XXYLT1: variants seen among roughly 807,000 people sequenced by gnomAD.
The protein encoded by XXYLT1 is xyloside xylosyltransferase 1.
A neutral mutation model predicts 28.9 loss-of-function variants in XXYLT1; 20 were observed. The ratio of observed to expected loss-of-function variants is 0.69; its 90% confidence interval spans 0.49 to 1.00. The LOEUF is 1.00. Among genes scored for constraint, XXYLT1 ranks in the 50% least tolerant of loss-of-function variants. The pLI is 0.00. For missense variants in XXYLT1, 542 were observed against 560.1 expected, an observed-to-expected ratio of 0.97 and a Z score of 0.33; for synonymous variants, 257 against 253.8, an observed-to-expected ratio of 1.01 and a Z score of -0.12.
At chr3:195,100,519 T>A (rs1015636646) in intron 3 of XXYLT1, among the ~76,000 whole-genome samples, 3 of 152,018 alleles carry the variant, frequency 2.0e-5, no homozygotes, top group Non-Finnish European at 4.4e-5. Flanking sequence ...AACGTCACCT[T>A]AGCCCAACAC....
At chr3:195,127,096 G>A (rs1718675683) in intron 3 of XXYLT1, among the ~76,000 whole-genome samples, 2 of 152,176 alleles carry the variant, frequency 1.3e-5, no homozygotes, top group Admixed American at 1.3e-4. Flanking sequence ...AGAACCTGAG[G>A]GACCTGGGGT....
rs1443606455 is a variant in XXYLT1, at chr3:195,156,445, G to A, written c.785+4C>T. ...GAGGCGGCCCCCCTGCAGTCATGAC[G>A]CACCTGTAAACTGGCTGCATCTCCC... On this transcript the variant is annotated splice_donor_region_variant and intron_variant, in intron 3 of 3. Coordinates refer to ENST00000310380, the MANE Select transcript of XXYLT1 (RefSeq NM_152531.5). 8 of 1,613,450 alleles carry A rather than the reference G, an allele frequency of 5.0e-6. No homozygotes were observed. Among genetic ancestry groups the A allele is most frequent in the South Asian group, 3.3e-5 (3 of 91,048 alleles).
chr3:195,247,124 C>T (rs1164745873), intron 1 of XXYLT1, among the ~76,000 whole-genome samples: 1 of 152,104 alleles, frequency 6.6e-6, no homozygotes, highest in Non-Finnish European at 1.5e-5. Context: ...CAGTAGAAGC[C>T]GTTTTTCTAC....
chr3:195,258,563 C>T (rs139267466), intron 1 of XXYLT1, among the ~76,000 whole-genome samples: 83 of 152,334 alleles, frequency 5.4e-4, no homozygotes, highest in African/African-American at 2.0e-3. Flanking sequence ...CTACACAAGA[C>T]TACAAAGGCT....
At chr3:195,262,767 G>C (rs1402923987) in intron 1 of XXYLT1, among the ~76,000 whole-genome samples, 1 of 152,134 alleles carries the variant, frequency 6.6e-6, no homozygotes, top group African/African-American at 2.4e-5. Context: ...ATTCCCCTTA[G>C]ATCTGTGATC....
At chr3:195,234,177 A>C (rs540951955) in intron 1 of XXYLT1, among the ~76,000 whole-genome samples, 9 of 151,708 alleles carry the variant, frequency 5.9e-5, no homozygotes, top group East Asian at 1.9e-4. Flanking sequence ...TCGGCCTCCC[A>C]AAGTGCTGGG....
At chr3:195,157,677 C>T (rs986897718) in intron 2 of XXYLT1, among the ~76,000 whole-genome samples, 10 of 152,020 alleles carry the variant, frequency 6.6e-5, no homozygotes, top group African/African-American at 1.4e-4. Flanking sequence ...GAGAGACATG[C>T]GGGTGGCAAA....
intron 3 of XXYLT1, among the ~76,000 whole-genome samples, chr3:195,091,029 T>A (rs538898644): frequency 8.0e-4 from 121 of 151,164 alleles, no homozygotes; most frequent in Non-Finnish European, 1.4e-3. Flanking sequence ...ATTGTGGCAA[T>A]AATCAATAGC....
chr3:195,120,094 G>T (rs1029551427), intron 3 of XXYLT1, among the ~76,000 whole-genome samples: 1 of 152,144 alleles, frequency 6.6e-6, no homozygotes, highest in Non-Finnish European at 1.5e-5. Context: ...AAAACAAAAA[G>T]CTTAGATTTC....
At chr3:195,224,483 A>C (rs1424163236) in intron 2 of XXYLT1, among the ~76,000 whole-genome samples, 1 of 152,204 alleles carries the variant, frequency 6.6e-6, no homozygotes, top group East Asian at 1.9e-4. Context: ...AGAGCTTAGG[A>C]GCTCCCTAAC....
At chr3:195,198,260 A>G (rs557963631) in intron 2 of XXYLT1, among the ~76,000 whole-genome samples, 1 of 152,310 alleles carries the variant, frequency 6.6e-6, no homozygotes, top group South Asian at 2.1e-4. Context: ...GGCATGGGTG[A>G]TTCATAAAAA....
rs952074104 is a variant in XXYLT1 at position 195,227,701 on chromosome 3, G to T, written c.505-845C>A. Among the ~76,000 whole-genome samples the T allele has an allele frequency of 5.3e-5, 8 of 152,124 alleles. No homozygotes were observed. The South Asian group carries it at 1.4e-3, about 28-fold the overall frequency. ...GGTTACACTTGCAGCAAGTCACACA[G>T]ATAATAAATGCAGAGTCAGAACTTG... On this transcript the variant is annotated intron_variant, in intron 1 of 3. Coordinates refer to ENST00000310380, the MANE Select transcript of XXYLT1 (RefSeq NM_152531.5).
chr3:195,268,029 G>A (rs184902986), intron 1 of XXYLT1, among the ~76,000 whole-genome samples: 346 of 152,314 alleles, frequency 2.3e-3, no homozygotes, highest in African/African-American at 7.8e-3. Flanking sequence ...GTGTGTGCCT[G>A]TAATCCCAGC....
chr3:195,159,035 T>C (rs1371520136), intron 2 of XXYLT1, among the ~76,000 whole-genome samples: 1 of 152,160 alleles, frequency 6.6e-6, no homozygotes, highest in Non-Finnish European at 1.5e-5. Context: ...GGTTGGAGGA[T>C]AGCTGAAATG....
intron 3 of XXYLT1, among the ~76,000 whole-genome samples, chr3:195,088,435 G>A (rs545226220): frequency 6.9e-6 from 1 of 144,848 alleles, no homozygotes; most frequent in Non-Finnish European, 1.5e-5. Context: ...TCACAGGGCC[G>A]GGTACTCCAA....
At chr3:195,134,552 C>A (rs562712734) in intron 3 of XXYLT1, 1 of 155,852 alleles carries the variant, frequency 6.4e-6, no homozygotes, top group Non-Finnish European at 1.5e-5. Flanking sequence ...ATACCATACA[C>A]CCCATTGCTC....
chr3:195,097,426 G>C (rs373822430), intron 3 of XXYLT1, among the ~76,000 whole-genome samples: 4 of 152,184 alleles, frequency 2.6e-5, no homozygotes, highest in Non-Finnish European at 4.4e-5. Flanking sequence ...CAGCAAATGC[G>C]TATCAACACG....
chr3:195,110,891 GT>G, intron 3 of XXYLT1, among the ~76,000 whole-genome samples: 2 of 15,344 alleles, frequency 1.3e-4, no homozygotes, highest in African/African-American at 2.1e-4. Context: ...ATGTGTGCGT[GT>G]GTGTGGGTGA....
chr3:195,117,999 C>T (rs970828406), intron 3 of XXYLT1, among the ~76,000 whole-genome samples: 2 of 152,232 alleles, frequency 1.3e-5, no homozygotes, highest in African/African-American at 4.8e-5. Flanking sequence ...TGCTGAATTT[C>T]ACCCCTTAAC....
Sources: gnomAD v4.1 joint callset for allele counts (sites outside exome capture counted in the v4.1 genomes callset) on GRCh38, gnomAD v4.1.1 for gene constraint, MANE v1.5 for transcripts, NCBI Gene and HGNC (gene_info 2026-07-23, HGNC 2026-07-21) for gene names.